SLC48A1: variants seen among roughly 807,000 people sequenced by gnomAD.
SLC48A1 encodes heme transporter HRG1.
Under a neutral mutation model 14.8 loss-of-function variants are expected in SLC48A1, and 6 were observed. That is an observed-to-expected ratio of 0.41 (90% CI 0.22 to 0.80). The LOEUF (loss-of-function observed/expected upper bound fraction) is 0.80, where lower values mean the gene tolerates loss of function less well. SLC48A1 is among the 30% of genes least tolerant of loss of function. The pLI is 0.34. For missense variants in SLC48A1, 165 were observed against 204.8 expected, an observed-to-expected ratio of 0.81 and a Z score of 1.19; for synonymous variants, 89 against 90.0, an observed-to-expected ratio of 0.99 and a Z score of 0.06.
At chr12:47,763,581 G>A (rs537303764) in intron 2 of SLC48A1, among the ~76,000 whole-genome samples, 8 of 152,226 alleles carry the variant, frequency 5.3e-5, no homozygotes, top group South Asian at 2.1e-4. Flanking sequence ...TCTTGCCCCC[G>A]CTCCATCCCC....
chr12:47,780,066 G>A (rs1489747279), intron 2 of SLC48A1, 79 bp from the exon 3 acceptor site: 19 of 1,442,368 alleles, frequency 1.3e-5, no homozygotes, highest in Non-Finnish European at 1.7e-5. Flanking sequence ...AGTGGGGAGG[G>A]TGGCCCTGGC....
At chr12:47,766,656 C>G (rs1029134285), upstream of SLC48A1, among the ~76,000 whole-genome samples, 2 of 152,128 alleles carry the variant, frequency 1.3e-5, no homozygotes, top group African/African-American at 2.4e-5. Flanking sequence ...CCCCTCCCCT[C>G]CCCCTGACCC....
Position 47,780,568 on chromosome 12 carries a change from C to CTTTT in SLC48A1, c.*300_*303dup, listed in dbSNP as rs60379857. On this transcript the variant is annotated 3_prime_UTR_variant, in exon 3 of 3. Coordinates refer to ENST00000442218, the MANE Select transcript of SLC48A1 (RefSeq NM_017842.3). ...GTTTTCTTTTCTTTCTTTTTTTTTTCTTTTTTTTTTTTTTTTGAGATGGAG... is the reference window on the plus strand; with the variant it reads ...GTTTTCTTTTCTTTCTTTTTTTTTTCTTTTTTTTTTTTTTTTTTTTGAGATGGAG... 3.3e-5 allele frequency: 14 copies of CTTTT among 425,028 alleles called. No homozygotes were observed. The highest frequency in any genetic ancestry group is 2.7e-4 in the East Asian group (4 of 14,876). 26.3% of individuals were successfully genotyped at this position (425,028 alleles called of 1,614,324 possible).
chr12:47,765,076 C>CAAAAA (rs750174911), intron 2 of SLC48A1, among the ~76,000 whole-genome samples: 1 of 38,188 alleles, frequency 2.6e-5, no homozygotes, highest in Non-Finnish European at 4.6e-5. Flanking sequence ...GACTCTGTCT[C>CAAAAA]AAAAAAAAAA....
chr12:47,765,393 C>T (rs1484483875), intron 2 of SLC48A1, among the ~76,000 whole-genome samples: 1 of 152,266 alleles, frequency 6.6e-6, no homozygotes, highest in Non-Finnish European at 1.5e-5. Flanking sequence ...ACCCCTCAGC[C>T]TCAGCCCCTC....
upstream of SLC48A1, chr12:47,758,005 C>G (rs376741096): frequency 6.4e-7 from 1 of 1,574,278 alleles, no homozygotes; most frequent in Non-Finnish European, 8.6e-7. Context: ...GGCTCCCACC[C>G]GCGGTGCTCC....
chr12:47,754,228 T>G (rs963432012), upstream of SLC48A1, among the ~76,000 whole-genome samples: 4 of 152,388 alleles, frequency 2.6e-5, no homozygotes, highest in East Asian at 7.7e-4. Context: ...TCTTCCATTA[T>G]GCCTATTCCC....
Position 47,781,217 on chromosome 12 carries a change from G to A in SLC48A1, c.*936G>A, listed in dbSNP as rs773228421. 4.4e-6 allele frequency: 1 copy of A among 228,510 alleles called. No individual in the cohort carries two copies. The allele number at this position is 228,510 out of a possible 1,614,324, so 14.2% of individuals were successfully genotyped here. ...CCAGAAGACTTCCCAAATGAGGCCA[G>A]ACTCAGGGTCACGGGGAATGTGCTT... On this transcript the variant is annotated 3_prime_UTR_variant, in exon 3 of 3. Coordinates refer to ENST00000442218, the MANE Select transcript of SLC48A1 (RefSeq NM_017842.3).
At chr12:47,776,104 T>C (rs982524492) in intron 1 of SLC48A1, among the ~76,000 whole-genome samples, 3 of 152,160 alleles carry the variant, frequency 2.0e-5, no homozygotes, top group African/African-American at 7.2e-5. Context: ...TAGGAAGGAA[T>C]AGAGGGGCCT....
At chr12:47,763,636 T>C (rs1019662472) in intron 2 of SLC48A1, among the ~76,000 whole-genome samples, 1 of 152,162 alleles carries the variant, frequency 6.6e-6, no homozygotes, top group Non-Finnish European at 1.5e-5. Flanking sequence ...CCCTTGCCCA[T>C]TCCTGGGGTG....
Position 47,780,185 on chromosome 12 carries a change from G to C in SLC48A1, c.345G>C (p.Trp115Cys), listed in dbSNP as rs201022262. The change falls in exon 3 of 3, where the codon TGG becomes TGC. Residue 115 changes from tryptophan to cysteine, a missense_variant. Trp to Cys is a radical substitution (Grantham distance 215). Coordinates refer to ENST00000442218, the MANE Select transcript of SLC48A1 (RefSeq NM_017842.3). ...CCAGCTACTACCTCTCCAGCGTCTG[G>C]AGCTTCATTTCCTTCAAGTGGGCCT... Reference protein sequence around the residue: ...DPTSYYLSSVWSFISFKWAFL... With the variant: ...DPTSYYLSSVCSFISFKWAFL... The C allele has an allele frequency of 1.6e-4, 252 of 1,613,240 alleles. No homozygotes were observed. The highest frequency in any genetic ancestry group is 1.4e-4 in the Non-Finnish European group (167 of 1,179,592).
chr12:47,770,241 G>A (rs1401853317), upstream of SLC48A1, among the ~76,000 whole-genome samples: 2 of 152,156 alleles, frequency 1.3e-5, no homozygotes, highest in Non-Finnish European at 2.9e-5. Context: ...CTTTTCTTGC[G>A]CAATCTCACT....
chr12:47,780,367 C>G lies in SLC48A1; in HGVS notation c.*86C>G, dbSNP rs1230487869. ...ATGTTGGGAGAGGCTACTCCCACCC[C>G]CTGGTGACCCCAGAACTGTGGCAGA... On this transcript the variant is annotated 3_prime_UTR_variant, in exon 3 of 3. Transcript: ENST00000442218. The G allele has an allele frequency of 3.2e-6, 5 of 1,587,238 alleles. No individual in the cohort carries two copies. In the Admixed American group the frequency reaches 6.7e-5, roughly 21 times the overall value.
upstream of SLC48A1, chr12:47,772,039 T>C (rs905700699): frequency 5.8e-5 from 9 of 154,730 alleles, no homozygotes; most frequent in Admixed American, 5.9e-4. Flanking sequence ...TTATTTGGAT[T>C]CCTGACCTAC....
chr12:47,779,366 G>A (rs768016062), intron 2 of SLC48A1, among the ~76,000 whole-genome samples, 171 bp downstream of exon 2: 50 of 152,196 alleles, frequency 3.3e-4, no homozygotes, highest in Non-Finnish European at 5.6e-4. Flanking sequence ...TCCCCACCTC[G>A]CAAGTTGGGT....
At chr12:47,767,133 A>G (rs1942532651), upstream of SLC48A1, among the ~76,000 whole-genome samples, 1 of 140,970 alleles carries the variant, frequency 7.1e-6, no homozygotes, top group Non-Finnish European at 1.5e-5. Flanking sequence ...CCTCTGTGTC[A>G]GGCACAGCCT....
At chr12:47,760,218 C>G (rs1442114835) in exon 2 of SLC48A1, 1 of 985,336 alleles carries the variant, frequency 1.0e-6, no homozygotes. Context: ...CACCCCAGGT[C>G]ATCTGCTGTG....
In SLC48A1 at chr12:47,773,403, C is replaced by T. The variant is rs1942670641; in HGVS notation, c.99C>T (p.Tyr33=). ...FSIFLVWTVV[Y]RQPGTAAMGG... Reference sequence around the variant, plus strand: ...TCTTCCTCGTCTGGACGGTGGTCTACCGACAGCCGGGGACCGCGGCCATGG... The same window carrying T: ...TCTTCCTCGTCTGGACGGTGGTCTATCGACAGCCGGGGACCGCGGCCATGG... Residue 33 remains tyrosine, a synonymous_variant, in exon 1 of 3, where the codon TAC becomes TAT. Coordinates refer to ENST00000442218, the MANE Select transcript of SLC48A1 (RefSeq NM_017842.3). 3 of 1,460,476 alleles carry T rather than the reference C, an allele frequency of 2.1e-6. No individual in the cohort carries two copies. Among genetic ancestry groups the T allele is most frequent in the East Asian group, 3.1e-5 (1 of 32,336 alleles). 90.5% of individuals were successfully genotyped at this position (1,460,476 alleles called of 1,614,324 possible). A position where few individuals can be genotyped will look rare whatever the true frequency, so the allele number is the denominator to read the frequency against.
chr12:47,765,292 G>A (rs1394503267), intron 2 of SLC48A1, among the ~76,000 whole-genome samples: 1 of 152,060 alleles, frequency 6.6e-6, no homozygotes, highest in Non-Finnish European at 1.5e-5. Flanking sequence ...ACAGAAGTAA[G>A]GGAAAGTCTG....
Sources: gnomAD v4.1 joint callset for allele counts (sites outside exome capture counted in the v4.1 genomes callset) on GRCh38, gnomAD v4.1.1 for gene constraint, MANE v1.5 for transcripts, NCBI Gene and HGNC (gene_info 2026-07-23, HGNC 2026-07-21) for gene names.